EYS: variants seen among roughly 807,000 people sequenced by gnomAD.
The protein encoded by EYS is protein eyes shut homolog.
In EYS, 250 loss-of-function variants were observed where a neutral mutation model predicts 282.1. The ratio of observed to expected loss-of-function variants is 0.89; its 90% CI spans 0.80 to 0.98. The LOEUF (loss-of-function observed/expected upper bound fraction) is 0.98. Among genes scored for constraint, EYS ranks in the 50% least tolerant of loss-of-function variants. The pLI is 0.00. For synonymous variants in EYS, 1,355 were observed against 1,282.9 expected, an observed-to-expected ratio of 1.06 and a Z score of -1.20; for missense variants, 4,016 against 3,709.0, an observed-to-expected ratio of 1.08 and a Z score of -2.15.
At chr6:63,794,357 A>C (rs1770589127) in intron 37 of EYS, among the ~76,000 whole-genome samples, 1 of 152,190 alleles carries the variant, frequency 6.6e-6, no homozygotes. Context: ...GGTCGGGAAC[A>C]GAAGTAGTAC....
intron 13 of EYS, among the ~76,000 whole-genome samples, chr6:65,051,968 A>G (rs1411202766): frequency 6.6e-6 from 1 of 151,546 alleles, no homozygotes; most frequent in Non-Finnish European, 1.5e-5. Flanking sequence ...TTGCTTCTTT[A>G]AATACTTCAT....
chr6:65,268,362 A>C (rs923802853), intron 12 of EYS, among the ~76,000 whole-genome samples: 2 of 152,090 alleles, frequency 1.3e-5, no homozygotes, highest in Non-Finnish European at 2.9e-5. Context: ...ATTTGAAAAG[A>C]TCATGAATAT....
At chr6:65,006,841 C>T (rs1771681834) in intron 13 of EYS, among the ~76,000 whole-genome samples, 1 of 152,172 alleles carries the variant, frequency 6.6e-6, no homozygotes, top group African/African-American at 2.4e-5. Flanking sequence ...AAACTGTTTG[C>T]ACTCAGCCAA....
chr6:64,965,792 C>T (rs1030464879), intron 14 of EYS, among the ~76,000 whole-genome samples: 6 of 151,996 alleles, frequency 3.9e-5, no homozygotes, highest in African/African-American at 1.4e-4. Flanking sequence ...GATACAGCTA[C>T]CTACAAACTA....
intron 27 of EYS, among the ~76,000 whole-genome samples, chr6:64,437,488 A>T (rs1175870083): frequency 6.6e-6 from 1 of 151,712 alleles, no homozygotes; most frequent in African/African-American, 2.4e-5. Context: ...AAGATCATTT[A>T]CATTTCAGCT....
At chr6:64,658,455 G>T (rs182142626) in intron 22 of EYS, among the ~76,000 whole-genome samples, 1 of 152,180 alleles carries the variant, frequency 6.6e-6, no homozygotes, top group Admixed American at 6.5e-5. Context: ...CAGTTTTTCT[G>T]CTCTCTGTTT....
At chr6:65,566,340 G>A (rs12204856) in intron 2 of EYS, among the ~76,000 whole-genome samples, 82,124 of 151,406 alleles carry the variant, frequency 0.54, 22,288 homozygotes, top group East Asian at 0.7. Context: ...CTGAGCATGC[G>A]GTGATTAGCC....
chr6:64,689,521 C>A (rs2149913044), intron 22 of EYS, among the ~76,000 whole-genome samples: 1 of 152,098 alleles, frequency 6.6e-6, no homozygotes, highest in African/African-American at 2.4e-5. Flanking sequence ...ATTGCCAAGA[C>A]AATCCTAAGC....
At chr6:65,433,493 G>A (rs1198732113) in intron 5 of EYS, among the ~76,000 whole-genome samples, 4 of 152,042 alleles carry the variant, frequency 2.6e-5, no homozygotes, top group Non-Finnish European at 5.9e-5. Context: ...TTGTGATTAA[G>A]AGAATGTTTG....
chr6:64,023,150 T>A, intron 33 of EYS, among the ~76,000 whole-genome samples: 1 of 152,218 alleles, frequency 6.6e-6, no homozygotes, highest in East Asian at 1.9e-4. Flanking sequence ...TAGCATAAAG[T>A]TTTCAAGATT....
chr6:64,066,253 G>A, intron 33 of EYS, 85 bp downstream of exon 33: 1 of 1,213,396 alleles, frequency 8.2e-7, no homozygotes, highest in Non-Finnish European at 1.2e-6. Context: ...GCTCCAGACT[G>A]GGTGACAGAG....
intron 2 of EYS, among the ~76,000 whole-genome samples, chr6:65,504,385 G>C (rs1313729173): frequency 6.6e-6 from 1 of 151,514 alleles, no homozygotes; most frequent in African/African-American, 2.4e-5. Context: ...TTATTAGTCT[G>C]CATATATTTT....
chr6:64,825,306 A>G (rs1177594061), intron 19 of EYS, among the ~76,000 whole-genome samples: 2 of 151,880 alleles, frequency 1.3e-5, no homozygotes, highest in East Asian at 1.9e-4. Flanking sequence ...CCCTCCTGTA[A>G]CAAGTAATCT....
chr6:64,337,102 C>A (rs752369616), intron 29 of EYS, among the ~76,000 whole-genome samples: 4 of 151,950 alleles, frequency 2.6e-5, no homozygotes, highest in Non-Finnish European at 4.4e-5. Context: ...CCAAAGCCAG[C>A]AGAAGAAAGG....
intron 24 of EYS, among the ~76,000 whole-genome samples, chr6:64,605,093 C>A (rs185565766): frequency 6.6e-6 from 1 of 152,070 alleles, no homozygotes; most frequent in African/African-American, 2.4e-5. Context: ...ATATCACCAG[C>A]TATTTCTTAT....
chr6:63,909,491 G>A (rs988713188), intron 35 of EYS, among the ~76,000 whole-genome samples: 2 of 152,190 alleles, frequency 1.3e-5, no homozygotes, highest in Non-Finnish European at 2.9e-5. Flanking sequence ...AGTTCTAGTG[G>A]TATGCTGGAG....
At chr6:64,924,485 T>C (rs1386951498) in intron 15 of EYS, among the ~76,000 whole-genome samples, 1 of 152,208 alleles carries the variant, frequency 6.6e-6, no homozygotes, top group African/African-American at 2.4e-5. Flanking sequence ...TTGCTACTTA[T>C]GCAAATTTCT....
chr6:64,591,357 G>C lies in EYS; in HGVS notation c.4510C>G (p.Gln1504Glu), dbSNP rs1420929225. The change falls in exon 26 of 43, where the codon CAG (glutamine) becomes GAG (glutamate). Residue 1504 changes from glutamine (Q) to glutamate (E), a missense_variant. Transcript: ENST00000503581. ...GCTGATGAGTTTAAGATGGTTACCT[G>C]TTTAGATATAATTACCTTAGCAGGA... ...IFPAKVIISK[Q>E]VTILNSSALH... 4 of 1,551,300 alleles carry C rather than the reference G, an allele frequency of 2.6e-6. No homozygotes were observed. The highest frequency in any genetic ancestry group is 3.5e-6 in the Non-Finnish European group (4 of 1,146,764).
At chr6:65,628,047 G>T (rs1283528977) in intron 2 of EYS, among the ~76,000 whole-genome samples, 1 of 152,222 alleles carries the variant, frequency 6.6e-6, no homozygotes, top group Admixed American at 6.5e-5. Context: ...ATCTAGCTCA[G>T]GGATTGTAAA....
Sources: allele counts gnomAD v4.1 joint callset (sites outside exome capture counted in the v4.1 genomes callset), GRCh38; gene constraint gnomAD v4.1.1; transcripts MANE v1.5; gene names NCBI Gene and HGNC (gene_info 2026-07-23, HGNC 2026-07-21).